BACH2: variants seen among roughly 807,000 people sequenced by gnomAD.
BACH2 encodes transcription regulator protein BACH2.
In BACH2, 5 loss-of-function variants were observed where a neutral mutation model predicts 61.8. The observed-to-expected ratio is 0.08, with a 90% CI of 0.04 to 0.17. The LOEUF (loss-of-function observed/expected upper bound fraction) is 0.17. Ranked by LOEUF, BACH2 falls within the 10% of genes least tolerant of loss-of-function variation. BACH2 has a pLI of 1.00. For missense variants in BACH2, 824 were observed against 1,091.1 expected (o/e 0.76, Z 3.45); for synonymous variants, 446 against 440.1 (o/e 1.01, Z -0.17).
At chr6:90,284,159 G>A (rs543405900) in intron 1 of BACH2, among the ~76,000 whole-genome samples, 2 of 152,274 alleles carry the variant, frequency 1.3e-5, no homozygotes, top group East Asian at 3.9e-4. Context: ...ACTGTGATAC[G>A]AAGCTAAGAT....
At chr6:90,067,494 G>A (rs1248919773) in intron 5 of BACH2, among the ~76,000 whole-genome samples, 1 of 152,240 alleles carries the variant, frequency 6.6e-6, no homozygotes, top group Non-Finnish European at 1.5e-5. Flanking sequence ...ACTCATGCAA[G>A]GAGGGCAGGA....
At chr6:90,248,140 C>T (rs1770697403) in intron 3 of BACH2, among the ~76,000 whole-genome samples, 1 of 152,308 alleles carries the variant, frequency 6.6e-6, no homozygotes, top group Middle Eastern at 3.4e-3. Flanking sequence ...AACAACCCGT[C>T]CACATGTACT....
At chr6:89,937,305 A>G (rs1016082713) in intron 8 of BACH2, among the ~76,000 whole-genome samples, 14 of 152,118 alleles carry the variant, frequency 9.2e-5, no homozygotes, top group Non-Finnish European at 1.6e-4. Context: ...AGGAGGCAGG[A>G]GAAAGCAGTG....
chr6:90,003,284 A>T (rs1204096201), intron 6 of BACH2, among the ~76,000 whole-genome samples: 2 of 152,030 alleles, frequency 1.3e-5, no homozygotes, highest in African/African-American at 2.4e-5. Context: ...CGCCCTGCCC[A>T]CCACAGCCTC....
intron 5 of BACH2, among the ~76,000 whole-genome samples, chr6:90,018,404 A>C (rs1778182373): frequency 6.6e-6 from 1 of 151,768 alleles, no homozygotes; most frequent in African/African-American, 2.4e-5. Context: ...TGGCCTAGAA[A>C]CTCTCAAAGC....
At chr6:90,021,299 T>TAAAAAAAAAAAAAAAAAACCAAAAAAAA (rs1778360563) in intron 5 of BACH2, among the ~76,000 whole-genome samples, 1 of 100,242 alleles carries the variant, frequency 1.0e-5, no homozygotes, top group Non-Finnish European at 2.3e-5. Flanking sequence ...AGCAAAAAAG[T>TAAAAAAAAAAAAAAAAAACCAAAAAAAA]AAAAAAAAAA....
chr6:90,067,343 G>C (rs1000151592), intron 5 of BACH2, among the ~76,000 whole-genome samples: 33 of 152,330 alleles, frequency 2.2e-4, no homozygotes, highest in African/African-American at 7.9e-4. Flanking sequence ...GTTAGGGTCA[G>C]ACAGCAGAGT....
rs541931657 is a variant in BACH2 at position 90,229,674 on chromosome 6, G to A, written c.-275+22839C>T. 1.1e-3 allele frequency among the ~76,000 whole-genome samples: 174 copies of A among 152,270 alleles called. 1 individual carries two copies. Among genetic ancestry groups the A allele is most frequent in the African/African-American group, 3.8e-3 (156 of 41,548 alleles). ...AGGTTACCTCTGAAACTTTTAAGTA[G>A]GAAATCACTGCTTTGGCTGCAACAA... is the stretch of plus-strand genomic sequence containing the variant. On this transcript the variant is annotated intron_variant, in intron 3 of 8. Coordinates refer to ENST00000257749, the MANE Select transcript of BACH2 (RefSeq NM_021813.4).
intron 5 of BACH2, chr6:90,080,662 T>C (rs1181111913): frequency 1.3e-6 from 1 of 743,542 alleles, no homozygotes; most frequent in Non-Finnish European, 1.6e-6. Context: ...AGCAAACATA[T>C]GCAGGTAACA....
chr6:89,944,451 A>C (rs1358524293), intron 7 of BACH2, among the ~76,000 whole-genome samples: 1 of 152,270 alleles, frequency 6.6e-6, no homozygotes, highest in Non-Finnish European at 1.5e-5. Context: ...TTTAATTAGA[A>C]ATATGGCTGA....
In BACH2 at chr6:89,928,240, T is replaced by C. The variant is rs1338303316; in HGVS notation, c.*4168A>G. ...ACTCCTCCTAAACTGTAAGCAATAG[T>C]GAAGCAGTTTGAAGTCATTTCTAAG... is the stretch of plus-strand genomic sequence containing the variant. On this transcript the variant is annotated 3_prime_UTR_variant, in exon 9 of 9. Coordinates refer to ENST00000257749, the MANE Select transcript of BACH2 (RefSeq NM_021813.4). 6.6e-6 allele frequency: 1 copy of C among 152,370 alleles called. No homozygotes were observed. Among genetic ancestry groups the C allele is most frequent in the African/African-American group, 2.4e-5 (1 of 41,470 alleles). 9.4% of individuals were successfully genotyped at this position (152,370 alleles called of 1,614,324 possible).
chr6:90,291,244 A>G (rs975989445), intron 1 of BACH2, among the ~76,000 whole-genome samples: 3 of 152,198 alleles, frequency 2.0e-5, no homozygotes, highest in East Asian at 1.9e-4. Flanking sequence ...GGATGATGTG[A>G]AATGCTTTTG....
At chr6:90,169,972 A>G (rs1562485302) in intron 4 of BACH2, among the ~76,000 whole-genome samples, 3 of 152,104 alleles carry the variant, frequency 2.0e-5, no homozygotes, top group African/African-American at 7.2e-5. Context: ...AAACCTGAGG[A>G]TTTTTTACAA....
At chr6:90,273,348 A>C (rs1191251859) in intron 1 of BACH2, among the ~76,000 whole-genome samples, 2 of 151,912 alleles carry the variant, frequency 1.3e-5, no homozygotes, top group Non-Finnish European at 2.9e-5. Context: ...ACAGAGCAAG[A>C]CTCTGTTTCT....
At chr6:89,990,666 C>T (rs369727310) in intron 6 of BACH2, among the ~76,000 whole-genome samples, 27 of 150,890 alleles carry the variant, frequency 1.8e-4, no homozygotes, top group African/African-American at 3.6e-4. Flanking sequence ...GGTCCATGTT[C>T]GTATGTCACC....
chr6:90,062,341 A>T (rs958947911), intron 5 of BACH2, among the ~76,000 whole-genome samples: 1 of 152,208 alleles, frequency 6.6e-6, no homozygotes, highest in Non-Finnish European at 1.5e-5. Context: ...GCTAAAGAAT[A>T]TATCTGATAA....
At chr6:90,276,314 AG>A (rs1440174111) in intron 1 of BACH2, among the ~76,000 whole-genome samples, 1 of 152,362 alleles carries the variant, frequency 6.6e-6, no homozygotes, top group East Asian at 1.9e-4. Flanking sequence ...TAACATGCCT[AG>A]GGCCATCCTG....
intron 4 of BACH2, among the ~76,000 whole-genome samples, chr6:90,203,051 T>C (rs1261501455): frequency 6.6e-6 from 1 of 152,182 alleles, no homozygotes; most frequent in Admixed American, 6.5e-5. Flanking sequence ...ATATGTAATA[T>C]ATATTTACAC....
intron 6 of BACH2, among the ~76,000 whole-genome samples, chr6:89,967,222 G>C (rs564622367): frequency 6.6e-6 from 1 of 152,300 alleles, no homozygotes; most frequent in South Asian, 2.1e-4. Context: ...GGACTGTTAT[G>C]AAAGACCTCA....
Sources: gnomAD v4.1 joint callset for allele counts (sites outside exome capture counted in the v4.1 genomes callset) on GRCh38, gnomAD v4.1.1 for gene constraint, MANE v1.5 for transcripts, NCBI Gene and HGNC (gene_info 2026-07-23, HGNC 2026-07-21) for gene names.